The following CHD6 variants were observed in gnomAD, a reference collection of about 807,000 sequenced individuals.
The protein encoded by CHD6 is ATP-dependent chromatin remodeler CHD6.
A neutral mutation model predicts 276.9 loss-of-function variants in CHD6; 50 were observed. The ratio of observed to expected loss-of-function variants is 0.18; its 90% confidence interval spans 0.14 to 0.23. The LOEUF is 0.23. Ranked by LOEUF, CHD6 falls within the 10% of genes least tolerant of loss-of-function variation. The pLI is 1.00. For missense variants in CHD6, 2,564 were observed against 3,365.8 expected (o/e 0.76, Z 5.89); for synonymous variants, 1,173 against 1,229.3 (o/e 0.95, Z 0.96).
In CHD6 at chr20:41,471,260, A is replaced by G. The variant is rs529768287; in HGVS notation, c.2664+2062T>C. On this transcript the variant is annotated intron_variant, in intron 17 of 36. Transcript: ENST00000373233. ...ACAGGCAGCAGGCCAAAAGGCAATC[A>G]TTTTCCACCCCTTAATCTGTATAAT... 6.0e-4 allele frequency among the ~76,000 whole-genome samples: 91 copies of G among 152,312 alleles called. 1 individual carries two copies. Among genetic ancestry groups the G allele is most frequent in the African/African-American group, 2.1e-3 (87 of 41,578 alleles).
chr20:41,547,914 C>A, intron 2 of CHD6: 2 of 274,160 alleles, frequency 7.3e-6, no homozygotes, highest in South Asian at 8.4e-5. Context: ...GGTGGAATGC[C>A]CAACTAGTTA....
At chr20:41,549,468 G>T (rs2045109882) in intron 2 of CHD6, among the ~76,000 whole-genome samples, 1 of 126,308 alleles carries the variant, frequency 7.9e-6, no homozygotes, top group African/African-American at 3.1e-5. Flanking sequence ...ACAGGAAGGG[G>T]AACATCACAC....
rs901091181 is a variant in CHD6, at chr20:41,484,664, G to A, written c.2002-57C>T. The A allele has an allele frequency of 5.7e-6, 9 of 1,571,556 alleles. No individual in the cohort carries two copies. In the African/African-American group the frequency reaches 6.8e-5, roughly 12 times the overall value. ...CTCAATCCCAAGTTAACGATTACTG[G>A]GGTATTCCAACCTTCACTCTAATTT... is the stretch of plus-strand genomic sequence containing the variant. On this transcript the variant is annotated intron_variant, in intron 14 of 36. Transcript: ENST00000373233.
intron 11 of CHD6, 76 bp from the exon 12 acceptor site, chr20:41,490,097 A>G (rs1468825645): frequency 4.3e-6 from 5 of 1,173,612 alleles, no homozygotes; most frequent in Non-Finnish European, 6.2e-6. Flanking sequence ...ACTTGAAAAG[A>G]TGCTTCACAT....
intron 10 of CHD6, among the ~76,000 whole-genome samples, chr20:41,492,698 G>A (rs1310913220): frequency 6.6e-6 from 1 of 152,224 alleles, no homozygotes; most frequent in South Asian, 2.1e-4. Context: ...CAAGACAGGC[G>A]GATCACCTGA....
chr20:41,405,103 G>A lies in CHD6; in HGVS notation c.7638C>T (p.Cys2546=). 6.2e-7 allele frequency: 1 copy of A among 1,614,256 alleles called. No individual in the cohort carries two copies. Among genetic ancestry groups the A allele is most frequent in the African/African-American group, 1.3e-5 (1 of 75,068 alleles). The change falls in exon 37 of 37, where the codon TGC becomes TGT. Residue 2546 remains cysteine (C), a synonymous_variant. Transcript: ENST00000373233. ...GLLSPPMATT[C]TSTAPASLSS... ...ATAGAGACGCCGGAGCAGTGGAAGTGCAGGTGGTTGCCATGGGTGGACTGA... is the reference window on the plus strand; with the variant it reads ...ATAGAGACGCCGGAGCAGTGGAAGTACAGGTGGTTGCCATGGGTGGACTGA...
intron 19 of CHD6, 95 bp from the exon 20 acceptor site, chr20:41,454,831 C>T (rs1449129476): frequency 2.7e-6 from 2 of 742,242 alleles, no homozygotes; most frequent in East Asian, 5.3e-5. Context: ...AGTATATTAT[C>T]TATTTGCATT....
intron 23 of CHD6, among the ~76,000 whole-genome samples, chr20:41,449,213 T>C (rs2048163653): frequency 6.6e-6 from 1 of 151,372 alleles, no homozygotes. Flanking sequence ...TGTTTGTTTA[T>C]TTATTTATTT....
At chr20:41,602,722 T>C (rs940303277) in intron 1 of CHD6, among the ~76,000 whole-genome samples, 1 of 152,148 alleles carries the variant, frequency 6.6e-6, no homozygotes, top group East Asian at 1.9e-4. Context: ...TCAGTAAAAC[T>C]TTTTTTGGAG....
intron 23 of CHD6, among the ~76,000 whole-genome samples, chr20:41,448,395 G>C (rs1046779449): frequency 8.5e-5 from 13 of 152,200 alleles, no homozygotes; most frequent in African/African-American, 2.9e-4. Flanking sequence ...ATAAAGGCAA[G>C]TGTCTATTTT....
Position 41,473,033 on chromosome 20 carries a change from T to C in CHD6, c.2664+289A>G, listed in dbSNP as rs1171483956. 7 of 303,330 alleles carry C rather than the reference T, an allele frequency of 2.3e-5. No individual in the cohort carries two copies. The highest frequency in any genetic ancestry group is 4.3e-5 in the Non-Finnish European group (7 of 164,370). 18.8% of individuals were successfully genotyped at this position (303,330 alleles called of 1,614,324 possible). A position where few individuals can be genotyped will look rare whatever the true frequency, so the allele number is the denominator to read the frequency against. ...GAATTAGAGCATTAGTCAAGATTAGTATCTTTATTTCTGATAATAATAATA... is the reference window on the plus strand; with the variant it reads ...GAATTAGAGCATTAGTCAAGATTAGCATCTTTATTTCTGATAATAATAATA... On this transcript the variant is annotated intron_variant, in intron 17 of 36. Transcript: ENST00000373233. The surrounding 1 kb of genome is among the most constrained non-coding windows in gnomAD (Gnocchi z 4.1).
intron 33 of CHD6, among the ~76,000 whole-genome samples, chr20:41,416,210 G>T (rs1219997674): frequency 6.6e-6 from 1 of 152,152 alleles, no homozygotes; most frequent in African/African-American, 2.4e-5. Flanking sequence ...TTCCATTCAT[G>T]CTTCCCTTTC....
Position 41,415,516 on chromosome 20 carries a change from G to A in CHD6, c.6609C>T (p.His2203=), listed in dbSNP as rs778154977. The A allele has an allele frequency of 3.1e-6, 5 of 1,614,112 alleles. No individual in the cohort carries two copies. Among genetic ancestry groups the A allele is most frequent in the South Asian group, 1.1e-5 (1 of 91,062 alleles). Residue 2203 remains histidine (H), a synonymous_variant, in exon 34 of 37, where the codon CAC becomes CAT. Coordinates refer to ENST00000373233, the MANE Select transcript of CHD6 (RefSeq NM_032221.5). ...GCCAGCCATTGAGGATGATAGGGGTGTGCCCGTGGGTGGCAGAGAACTGCT... is the reference window on the plus strand; with the variant it reads ...GCCAGCCATTGAGGATGATAGGGGTATGCCCGTGGGTGGCAGAGAACTGCT... ...GLEQFSATHG[H]TPIILNGWHG... is the part of the protein sequence containing the mutation.
intron 1 of CHD6, among the ~76,000 whole-genome samples, chr20:41,581,473 G>A (rs1362416927): frequency 6.6e-6 from 1 of 152,026 alleles, no homozygotes; most frequent in East Asian, 1.9e-4. Context: ...TCAAGAGATC[G>A]AGACCATCCT....
In CHD6 at chr20:41,455,998, GCT is replaced by G; in HGVS notation, c.2830-21_2830-20del. ...GCTGTACCTGGACAGGTCACCAAAG[GCT>G]ACTCACAAAGTGGAAAATGTATAGG... On this transcript the variant is annotated intron_variant, in intron 18 of 36. Coordinates refer to ENST00000373233, the MANE Select transcript of CHD6 (RefSeq NM_032221.5). 1 of 1,487,142 alleles carries G rather than the reference GCT, an allele frequency of 6.7e-7. No homozygotes were observed. Among genetic ancestry groups the G allele is most frequent in the African/African-American group, 1.4e-5 (1 of 70,648 alleles). The allele number at this position is 1,487,142 out of a possible 1,614,324, so 92.1% of individuals were successfully genotyped here.
At chr20:41,429,977 G>T (rs1029996946) in intron 27 of CHD6, among the ~76,000 whole-genome samples, 3 of 152,178 alleles carry the variant, frequency 2.0e-5, no homozygotes, top group Non-Finnish European at 2.9e-5. Flanking sequence ...TAATGAACAG[G>T]CTCTTTTTAT....
chr20:41,538,038 A>G (rs181479984), intron 2 of CHD6, among the ~76,000 whole-genome samples: 39 of 152,364 alleles, frequency 2.6e-4, no homozygotes, highest in Admixed American at 3.3e-4. Context: ...ATACAATGGC[A>G]TATTATTCAG....
chr20:41,606,899 A>G (rs2045835710), intron 1 of CHD6, among the ~76,000 whole-genome samples: 3 of 152,182 alleles, frequency 2.0e-5, no homozygotes, highest in Admixed American at 2.0e-4. Context: ...GATGATTCTA[A>G]TACACAACAA....
chr20:41,457,498 G>T, intron 17 of CHD6, 70 bp from the exon 18 acceptor site: 1 of 1,536,898 alleles, frequency 6.5e-7, no homozygotes, highest in South Asian at 1.2e-5. Context: ...GGGAATAGGG[G>T]AGTGCTTAAA....
Sources: gnomAD v4.1 joint callset for allele counts (sites outside exome capture counted in the v4.1 genomes callset) on GRCh38, gnomAD v4.1.1 for gene constraint, Gnocchi (gnomAD v3.1) non-coding constraint, MANE v1.5 for transcripts, NCBI Gene and HGNC (gene_info 2026-07-23, HGNC 2026-07-21) for gene names.